EPHA6: variants seen among roughly 807,000 people sequenced by gnomAD.
EPHA6 encodes EPH receptor A6.
A neutral mutation model predicts 112.0 loss-of-function variants in EPHA6; 50 were observed. The observed-to-expected ratio is 0.45, with a 90% CI of 0.36 to 0.56. EPHA6 has a LOEUF of 0.56. Ranked by LOEUF, EPHA6 falls within the 20% of genes least tolerant of loss-of-function variation. The pLI is 0.00. For missense variants in EPHA6, 1,280 were observed against 1,417.4 expected (o/e 0.90, Z 1.56); for synonymous variants, 529 against 490.7 (o/e 1.08, Z -1.03).
At chr3:97,668,238 T>G (rs2030365703) in intron 14 of EPHA6, among the ~76,000 whole-genome samples, 1 of 152,178 alleles carries the variant, frequency 6.6e-6, no homozygotes, top group Non-Finnish European at 1.5e-5. Flanking sequence ...ATGTATTAAA[T>G]GAATATTAAC....
At chr3:97,125,813 A>G (rs2048167807) in intron 3 of EPHA6, among the ~76,000 whole-genome samples, 2 of 152,158 alleles carry the variant, frequency 1.3e-5, no homozygotes, top group African/African-American at 4.8e-5. Context: ...AACACACACA[A>G]CACTCCTCTT....
At chr3:97,416,637 T>C (rs560026624) in intron 6 of EPHA6, among the ~76,000 whole-genome samples, 34 of 152,136 alleles carry the variant, frequency 2.2e-4, no homozygotes, top group African/African-American at 7.9e-4. Context: ...ACCATTTCTC[T>C]CCTCTTTCCC....
chr3:96,864,197 T>A (rs1215194805), intron 1 of EPHA6, among the ~76,000 whole-genome samples: 1 of 152,052 alleles, frequency 6.6e-6, no homozygotes, highest in African/African-American at 2.4e-5. Flanking sequence ...ATTTTCTGTA[T>A]AACCCACTAA....
chr3:97,623,238 T>C (rs892082668), intron 13 of EPHA6, among the ~76,000 whole-genome samples: 7 of 151,784 alleles, frequency 4.6e-5, no homozygotes, highest in Non-Finnish European at 8.8e-5. Context: ...TAACTTGAGG[T>C]CTTACATTTA....
At chr3:97,382,285 TC>T (rs1437738636) in intron 5 of EPHA6, among the ~76,000 whole-genome samples, 1 of 152,044 alleles carries the variant, frequency 6.6e-6, no homozygotes, top group Non-Finnish European at 1.5e-5. Context: ...AAGAAAAGCC[TC>T]TTATGGTCTT....
Position 96,885,846 on chromosome 3 carries a change from T to G in EPHA6, c.450+18957T>G, listed in dbSNP as rs550641177. Among the ~76,000 whole-genome samples, 15 of 152,332 alleles carry G rather than the reference T, an allele frequency of 9.8e-5. No individual in the cohort carries two copies. The South Asian group carries it at 2.9e-3, about 29-fold the overall frequency. On this transcript the variant is annotated intron_variant, in intron 2 of 17. Transcript: ENST00000389672. The stretch of plus-strand genomic sequence containing the variant: ...TCAGTTTGTGCTCCTTCAGTCTTTT[T>G]GTTACAGGCATTTAGGGCTATGAAC...
Position 97,758,324 on chromosome 3 carries a change from G to C in EPHA6, c.*9623G>C, listed in dbSNP as rs540469313. 2.0e-5 allele frequency among the ~76,000 whole-genome samples: 3 copies of C among 152,082 alleles called. No homozygotes were observed. Among genetic ancestry groups the C allele is most frequent in the Admixed American group, 2.0e-4 (3 of 15,274 alleles). On this transcript the variant is annotated 3_prime_UTR_variant, in exon 18 of 18. Coordinates refer to ENST00000389672, the MANE Select transcript of EPHA6 (RefSeq NM_001080448.3). ...AATCAAAAATATCAGTCAAAGCTTAGTGTTTACCTCTTTAAACTATATAAC... is the reference window on the plus strand; with the variant it reads ...AATCAAAAATATCAGTCAAAGCTTACTGTTTACCTCTTTAAACTATATAAC...
At chr3:97,235,209 C>G (rs1029718268) in intron 4 of EPHA6, among the ~76,000 whole-genome samples, 1 of 151,966 alleles carries the variant, frequency 6.6e-6, no homozygotes, top group Non-Finnish European at 1.5e-5. Flanking sequence ...TACTTGCTTC[C>G]TCATTTGTTG....
chr3:96,929,707 G>T lies in EPHA6; in HGVS notation c.451-57623G>T, dbSNP rs1303556665. Among the ~76,000 whole-genome samples, 4 of 152,214 alleles carry T rather than the reference G, an allele frequency of 2.6e-5. No homozygotes were observed. In the South Asian group the frequency reaches 6.2e-4, roughly 24 times the overall value. On this transcript the variant is annotated intron_variant, in intron 2 of 17. Coordinates refer to ENST00000389672, the MANE Select transcript of EPHA6 (RefSeq NM_001080448.3). Reference sequence around the variant, plus strand: ...GACTGTGATGATTATATGTGTTGGGGTCGATCTTCTTGTGGAGTATTTTAC... The same window carrying T: ...GACTGTGATGATTATATGTGTTGGGTTCGATCTTCTTGTGGAGTATTTTAC...
chr3:97,421,298 A>C (rs1024756569), intron 6 of EPHA6, among the ~76,000 whole-genome samples: 6 of 152,138 alleles, frequency 3.9e-5, no homozygotes, highest in African/African-American at 1.4e-4. Context: ...GTACATTCAG[A>C]TTTAAAAAGA....
chr3:96,880,671 C>G (rs1157752931), intron 2 of EPHA6, among the ~76,000 whole-genome samples: 1 of 152,114 alleles, frequency 6.6e-6, no homozygotes, highest in Non-Finnish European at 1.5e-5. Flanking sequence ...ATCCATTAAT[C>G]TGTTGCACCC....
At chr3:97,259,279 G>A (rs1254757552) in intron 5 of EPHA6, among the ~76,000 whole-genome samples, 1 of 151,534 alleles carries the variant, frequency 6.6e-6, no homozygotes, top group African/African-American at 2.4e-5. Context: ...AATTCTTTAG[G>A]CATAACAATA....
chr3:97,013,791 A>G (rs114323512), intron 3 of EPHA6, among the ~76,000 whole-genome samples: 276 of 152,332 alleles, frequency 1.8e-3, no homozygotes, highest in Non-Finnish European at 2.9e-3. Context: ...CTTAAGATAT[A>G]AACAAGAACC....
intron 2 of EPHA6, among the ~76,000 whole-genome samples, chr3:96,940,164 A>G (rs1313406878): frequency 6.6e-6 from 1 of 151,940 alleles, no homozygotes; most frequent in Non-Finnish European, 1.5e-5. Flanking sequence ...ATCCTTGTTT[A>G]CTTTCTGTCT....
intron 3 of EPHA6, among the ~76,000 whole-genome samples, chr3:97,022,556 A>G (rs1322589802): frequency 1.3e-5 from 2 of 152,214 alleles, no homozygotes; most frequent in Non-Finnish European, 2.9e-5. Flanking sequence ...TCCCACTTCT[A>G]GATGCCAGCT....
intron 6 of EPHA6, among the ~76,000 whole-genome samples, chr3:97,421,229 A>T (rs758668502): frequency 1.7e-4 from 26 of 152,014 alleles, no homozygotes; most frequent in Non-Finnish European, 3.4e-4. Flanking sequence ...ATATGTTGTT[A>T]AAAAAACCCC....
intron 10 of EPHA6, among the ~76,000 whole-genome samples, chr3:97,501,164 A>C (rs752319451): frequency 6.6e-6 from 1 of 152,216 alleles, no homozygotes; most frequent in Non-Finnish European, 1.5e-5. Flanking sequence ...ATAAGGCAGA[A>C]GTTTTGATGT....
chr3:96,860,855 A>C (rs1033374919), intron 1 of EPHA6, among the ~76,000 whole-genome samples: 12 of 152,160 alleles, frequency 7.9e-5, no homozygotes, highest in Admixed American at 3.3e-4. Flanking sequence ...GAAGATGTCA[A>C]AATAGAGGAA....
intron 14 of EPHA6, among the ~76,000 whole-genome samples, chr3:97,688,875 C>T (rs1174157446): frequency 6.6e-6 from 1 of 152,118 alleles, no homozygotes; most frequent in Non-Finnish European, 1.5e-5. Context: ...AAGCCCCTTT[C>T]ATTCATAAAA....
Sources: allele counts gnomAD v4.1 joint callset (sites outside exome capture counted in the v4.1 genomes callset), GRCh38; gene constraint gnomAD v4.1.1; transcripts MANE v1.5; gene names NCBI Gene and HGNC (gene_info 2026-07-23, HGNC 2026-07-21).